Variants in ATP8A2 observed in about 807,000 individuals in gnomAD.
The protein encoded by ATP8A2 is ATPase phospholipid transporting 8A2, also known as phospholipid-transporting ATPase IB.
In ATP8A2, 100 loss-of-function variants were observed where a neutral mutation model predicts 165.6. The ratio of observed to expected loss-of-function variants is 0.60; its 90% CI spans 0.51 to 0.71. ATP8A2 has a LOEUF of 0.71. Ranked by LOEUF, ATP8A2 falls within the 30% of genes least tolerant of loss-of-function variation. The pLI is 0.00. For synonymous variants in ATP8A2, 543 were observed against 548.8 expected (o/e 0.99, Z 0.15); for missense variants, 1,227 against 1,479.5 (o/e 0.83, Z 2.80).
intron 26 of ATP8A2, among the ~76,000 whole-genome samples, chr13:25,770,174 C>T (rs1354688537): frequency 2.6e-5 from 4 of 152,138 alleles, no homozygotes; most frequent in African/African-American, 9.7e-5. Context: ...CAGCCCTTTC[C>T]CAAAGCAGAC....
intron 2 of ATP8A2, among the ~76,000 whole-genome samples, chr13:25,520,910 G>A (rs1593451950): frequency 6.6e-6 from 1 of 152,108 alleles, no homozygotes; most frequent in Non-Finnish European, 1.5e-5. Flanking sequence ...CACCGTGCCG[G>A]CCCTATTTTT....
intron 27 of ATP8A2, among the ~76,000 whole-genome samples, chr13:25,813,272 G>A (rs2138524928): frequency 6.6e-6 from 1 of 152,206 alleles, no homozygotes; most frequent in Non-Finnish European, 1.5e-5. Flanking sequence ...AGGAGAGCCA[G>A]GATGTTAGCC....
chr13:25,960,527 A>G (rs1012898768), intron 33 of ATP8A2, among the ~76,000 whole-genome samples: 1 of 152,100 alleles, frequency 6.6e-6, no homozygotes, highest in Non-Finnish European at 1.5e-5. Flanking sequence ...CCTCCAGAAA[A>G]GAAATCCGGT....
At chr13:25,893,186 G>A (rs1272869254) in intron 33 of ATP8A2, among the ~76,000 whole-genome samples, 2 of 144,426 alleles carry the variant, frequency 1.4e-5, no homozygotes, top group Non-Finnish European at 3.0e-5. Flanking sequence ...ATCTCCTAAT[G>A]CTATCCCTCC....
At chr13:25,636,451 C>G (rs1269474809) in intron 24 of ATP8A2, among the ~76,000 whole-genome samples, 1 of 152,174 alleles carries the variant, frequency 6.6e-6, no homozygotes, top group Non-Finnish European at 1.5e-5. Flanking sequence ...TTGATTCCAT[C>G]AAATCACATA....
At chr13:25,386,977 T>A (rs12585470) in intron 1 of ATP8A2, among the ~76,000 whole-genome samples, 77,820 of 138,804 alleles carry the variant, frequency 0.56, 23,978 homozygotes, top group East Asian at 0.76. Context: ...AGCCTGGGCG[T>A]CAGAGCGAGA....
chr13:25,529,992 C>T lies in ATP8A2; in HGVS notation c.222-7C>T. On this transcript the variant is annotated splice_region_variant and splice_polypyrimidine_tract_variant and intron_variant, in intron 2 of 36. Coordinates refer to ENST00000381655, the MANE Select transcript of ATP8A2 (RefSeq NM_016529.6). ...ACTGATAGTATTATTTTTCTTTGCA[C>T]TTACAGTACGGCCAAGTACAGCGTG... is the stretch of plus-strand genomic sequence containing the variant. 1 of 1,573,948 alleles carries T rather than the reference C, an allele frequency of 6.4e-7. No homozygotes were observed. The highest frequency in any genetic ancestry group is 8.7e-7 in the Non-Finnish European group (1 of 1,146,296).
At position 25,492,438 on chromosome 13, in the gene ATP8A2, G is replaced by T. The variant is rs535633424; in HGVS notation, c.221+23317G>T. Among the ~76,000 whole-genome samples, 9 of 152,268 alleles carry T rather than the reference G, an allele frequency of 5.9e-5. No individual in the cohort carries two copies. In the South Asian group the frequency reaches 8.3e-4, roughly 14 times the overall value. ...ATGTTCTTTATAGTTATCACTGAAA[G>T]AAATTTTGCCACATAGAGAAGGGGG... On this transcript the variant is annotated intron_variant, in intron 2 of 36. Transcript: ENST00000381655.
intron 24 of ATP8A2, among the ~76,000 whole-genome samples, chr13:25,683,024 A>G (rs2042526233): frequency 6.6e-6 from 1 of 152,360 alleles, no homozygotes; most frequent in Admixed American, 6.5e-5. Context: ...GTAAAACATA[A>G]AACAACCCCG....
At chr13:25,773,816 T>A (rs570338780) in intron 26 of ATP8A2, among the ~76,000 whole-genome samples, 2 of 152,222 alleles carry the variant, frequency 1.3e-5, no homozygotes, top group South Asian at 2.1e-4. Context: ...TGTGTCTAGG[T>A]GTGTGTGTCT....
intron 25 of ATP8A2, among the ~76,000 whole-genome samples, chr13:25,703,450 T>A (rs1255754724): frequency 6.6e-6 from 1 of 152,152 alleles, no homozygotes; most frequent in Non-Finnish European, 1.5e-5. Flanking sequence ...GAAATTGCAC[T>A]CTTAGGTAGG....
At chr13:25,463,403 A>G (rs1181837020) in intron 1 of ATP8A2, among the ~76,000 whole-genome samples, 1 of 151,998 alleles carries the variant, frequency 6.6e-6, no homozygotes, top group Admixed American at 6.6e-5. Flanking sequence ...CATAAAAGTT[A>G]TCATAAATAA....
chr13:25,789,753 A>G (rs915861374), intron 27 of ATP8A2, among the ~76,000 whole-genome samples: 10 of 152,242 alleles, frequency 6.6e-5, no homozygotes, highest in African/African-American at 2.4e-4. Flanking sequence ...ACAAAAAGAA[A>G]TGAGCCCCAA....
chr13:25,844,000 A>C (rs1446759556), intron 30 of ATP8A2, among the ~76,000 whole-genome samples: 1 of 152,150 alleles, frequency 6.6e-6, no homozygotes, highest in Non-Finnish European at 1.5e-5. Context: ...TCTGTAGAGA[A>C]ACACATAGGA....
intron 1 of ATP8A2, among the ~76,000 whole-genome samples, chr13:25,425,988 A>G (rs1477161669): frequency 6.6e-6 from 1 of 152,154 alleles, no homozygotes; most frequent in Non-Finnish European, 1.5e-5. Flanking sequence ...TGAATGGATG[A>G]CAGTTTGTTT....
At chr13:25,595,294 G>A (rs2040207141) in intron 24 of ATP8A2, among the ~76,000 whole-genome samples, 3 of 152,128 alleles carry the variant, frequency 2.0e-5, no homozygotes, top group African/African-American at 7.2e-5. Context: ...AACACAAAAG[G>A]TTTTATGAAA....
intron 24 of ATP8A2, among the ~76,000 whole-genome samples, chr13:25,590,509 C>A (rs933992437): frequency 6.6e-6 from 1 of 152,140 alleles, no homozygotes; most frequent in Non-Finnish European, 1.5e-5. Context: ...ATGAACCCAC[C>A]CCATCATGGC....
At chr13:25,914,153 C>T (rs892149930) in intron 33 of ATP8A2, among the ~76,000 whole-genome samples, 1 of 152,212 alleles carries the variant, frequency 6.6e-6, no homozygotes, top group African/African-American at 2.4e-5. Context: ...CTCTTTCCAT[C>T]TCATTTGCCA....
chr13:25,451,689 G>A (rs1199082575), intron 1 of ATP8A2, among the ~76,000 whole-genome samples: 1 of 152,038 alleles, frequency 6.6e-6, no homozygotes, highest in East Asian at 1.9e-4. Context: ...GGAGTCAGTT[G>A]CTTGGATGTC....
Sources: allele counts gnomAD v4.1 joint callset (sites outside exome capture counted in the v4.1 genomes callset), GRCh38; gene constraint gnomAD v4.1.1; transcripts MANE v1.5; gene names NCBI Gene and HGNC (gene_info 2026-07-23, HGNC 2026-07-21).